The following UST variants were observed in gnomAD, a reference collection of about 807,000 sequenced individuals.
The protein encoded by UST is chondroitin sulfate 2-O-sulfotransferase.
In UST, 21 loss-of-function variants were observed where a neutral mutation model predicts 45.6. The ratio of observed to expected loss-of-function variants is 0.46; its 90% CI spans 0.33 to 0.66. UST has a LOEUF of 0.66. Ranked by LOEUF, UST falls within the 30% of genes least tolerant of loss-of-function variation. The pLI, the probability that UST is intolerant of heterozygous loss-of-function variation, is 0.02. For synonymous variants in UST, 215 were observed against 200.6 expected (o/e 1.07, Z -0.61); for missense variants, 463 against 512.4 (o/e 0.90, Z 0.93).
intron 7 of UST, among the ~76,000 whole-genome samples, chr6:149,022,653 C>T (rs1272800286): frequency 6.6e-6 from 1 of 152,162 alleles, no homozygotes; most frequent in Non-Finnish European, 1.5e-5. Context: ...TCCCCAAATG[C>T]AGTCTGCTGC....
In UST at chr6:149,061,034, A is replaced by G. The variant is rs369958406; in HGVS notation, c.938-12799A>G. On this transcript the variant is annotated intron_variant, in intron 7 of 7. Coordinates refer to ENST00000367463, the MANE Select transcript of UST (RefSeq NM_005715.3). ...TCTGGTCAGCGCGGAGTGTGCATAC[A>G]CTCGGATCAAGGAAAGGAATGCCAG... 7.9e-5 allele frequency among the ~76,000 whole-genome samples: 12 copies of G among 152,078 alleles called. No homozygotes were observed. In the South Asian group the frequency reaches 2.5e-3, roughly 32 times the overall value.
intron 1 of UST, among the ~76,000 whole-genome samples, chr6:148,799,264 G>T (rs772105143): frequency 1.3e-5 from 2 of 152,210 alleles, no homozygotes; most frequent in African/African-American, 4.8e-5. Flanking sequence ...TAGTAATTTA[G>T]CGTGGTCGCA....
chr6:148,841,967 G>C (rs552760997), intron 1 of UST, among the ~76,000 whole-genome samples: 1 of 152,140 alleles, frequency 6.6e-6, no homozygotes, highest in African/African-American at 2.4e-5. Flanking sequence ...TTAGCTGGAC[G>C]TGGTGGCACG....
intron 1 of UST, among the ~76,000 whole-genome samples, chr6:148,868,258 A>G (rs1391535679): frequency 6.6e-6 from 1 of 152,232 alleles, no homozygotes; most frequent in African/African-American, 2.4e-5. Flanking sequence ...TTTTCCAACA[A>G]GTAAGTTGAT....
At chr6:149,019,851 C>A (rs1775953746) in intron 6 of UST, among the ~76,000 whole-genome samples, 1 of 152,164 alleles carries the variant, frequency 6.6e-6, no homozygotes, top group Admixed American at 6.5e-5. Context: ...GCATCAGCAC[C>A]CCTGTATACT....
chr6:148,848,669 C>CA (rs34813628), intron 1 of UST, among the ~76,000 whole-genome samples: 34,403 of 102,176 alleles, frequency 0.34, 4,278 homozygotes, highest in Admixed American at 0.4. Context: ...GACTCCATCT[C>CA]AAAAAAAAAA....
chr6:148,855,763 G>A (rs949433877), intron 1 of UST, among the ~76,000 whole-genome samples: 2 of 152,116 alleles, frequency 1.3e-5, no homozygotes, highest in East Asian at 1.9e-4. Context: ...AGACCCTTAC[G>A]ATGAGATTCA....
chr6:148,947,972 A>G (rs551367049), intron 3 of UST, among the ~76,000 whole-genome samples: 5 of 152,262 alleles, frequency 3.3e-5, no homozygotes, highest in African/African-American at 7.2e-5. Flanking sequence ...TGCAAAAATA[A>G]AATAAGTTTT....
At chr6:148,798,324 C>T (rs931771646) in intron 1 of UST, among the ~76,000 whole-genome samples, 2 of 152,010 alleles carry the variant, frequency 1.3e-5, no homozygotes, top group Admixed American at 6.5e-5. Flanking sequence ...TGTTCTGTTT[C>T]CCCATTTGCT....
intron 1 of UST, among the ~76,000 whole-genome samples, chr6:148,846,619 T>C (rs1777997592): frequency 6.6e-6 from 1 of 151,654 alleles, no homozygotes; most frequent in African/African-American, 2.4e-5. Context: ...AAAATAAAAA[T>C]AAATAAATAA....
At chr6:148,791,863 G>A (rs1178655731) in intron 1 of UST, among the ~76,000 whole-genome samples, 3 of 152,150 alleles carry the variant, frequency 2.0e-5, no homozygotes, top group Non-Finnish European at 4.4e-5. Flanking sequence ...CTCAGTAAAC[G>A]ATTGTTGAGC....
chr6:149,024,666 C>A (rs1776024619), intron 7 of UST, among the ~76,000 whole-genome samples: 1 of 152,198 alleles, frequency 6.6e-6, no homozygotes, highest in Non-Finnish European at 1.5e-5. Context: ...GAAAGAATAG[C>A]TGCAAGTTTC....
chr6:149,062,203 C>T (rs1246885008), intron 7 of UST, among the ~76,000 whole-genome samples: 2 of 152,178 alleles, frequency 1.3e-5, no homozygotes, highest in Non-Finnish European at 2.9e-5. Context: ...CTAAGAAAAG[C>T]AAATACCACT....
In UST at chr6:148,747,544, G is replaced by C. The variant is rs1775891465; in HGVS notation, c.114G>C (p.Leu38=). ...LGSWKRRVPL[L]PFLRFSLRDY... is the part of the protein sequence containing the mutation. ...GCTGGAAGCGTCGGGTGCCCCTGCT[G>C]CCTTTCCTGCGCTTCTCCCTCCGGG... Residue 38 remains leucine, a synonymous_variant, in exon 1 of 8, where the codon CTG becomes CTC. Coordinates refer to ENST00000367463, the MANE Select transcript of UST (RefSeq NM_005715.3). The C allele has an allele frequency of 3.2e-6, 5 of 1,561,482 alleles. No homozygotes were observed. In the South Asian group the frequency reaches 5.9e-5, roughly 19 times the overall value.
chr6:148,969,687 C>T (rs1222976671), intron 5 of UST, among the ~76,000 whole-genome samples: 1 of 152,178 alleles, frequency 6.6e-6, no homozygotes, highest in Non-Finnish European at 1.5e-5. Context: ...ACCTGGAGCT[C>T]CTCTGCTCAG....
At chr6:148,908,353 C>G (rs1269146191) in intron 2 of UST, among the ~76,000 whole-genome samples, 6 of 152,106 alleles carry the variant, frequency 3.9e-5, no homozygotes, top group Admixed American at 1.3e-4. Context: ...AATGTTTCAT[C>G]TAATCAGAAA....
intron 1 of UST, among the ~76,000 whole-genome samples, chr6:148,796,623 CAAAAAAAAAAA>C (rs11465084): frequency 4.5e-4 from 40 of 88,950 alleles, no homozygotes; most frequent in Admixed American, 2.5e-3. Flanking sequence ...GACTCTGTCT[CAAAAAAAAAAA>C]AAAAAAAAAA....
chr6:148,908,658 C>G (rs529393357), intron 2 of UST, among the ~76,000 whole-genome samples: 4 of 152,230 alleles, frequency 2.6e-5, no homozygotes, highest in African/African-American at 7.2e-5. Flanking sequence ...ATATCAAATT[C>G]TCTTTTTAAC....
rs141807867 is a variant in UST at position 148,865,531 on chromosome 6, A to AAG, written c.248-21437_248-21436dup. 1.5e-3 allele frequency among the ~76,000 whole-genome samples: 221 copies of AAG among 146,902 alleles called. 1 individual carries two copies. The highest frequency in any genetic ancestry group is 4.1e-3 in the African/African-American group (169 of 41,006). ...CGTTTAATATAAAGAATGTTTTAAA[A>AAG]AGAGAGAGAGAGAGAGAGAAAACAC... On this transcript the variant is annotated intron_variant, in intron 1 of 7. Transcript: ENST00000367463.
Sources: gnomAD v4.1 joint callset for allele counts (sites outside exome capture counted in the v4.1 genomes callset) on GRCh38, gnomAD v4.1.1 for gene constraint, MANE v1.5 for transcripts, NCBI Gene and HGNC (gene_info 2026-07-23, HGNC 2026-07-21) for gene names.